The following PANK4 variants were observed in gnomAD, a reference collection of about 807,000 sequenced individuals.
The protein encoded by PANK4 is pantothenate kinase 4 (inactive).
A neutral mutation model predicts 87.9 loss-of-function variants in PANK4; 40 were observed. The observed-to-expected ratio is 0.46, with a 90% CI of 0.35 to 0.59. The LOEUF (loss-of-function observed/expected upper bound fraction) is 0.59, where lower values mean the gene tolerates loss of function less well. Ranked by LOEUF, PANK4 falls within the 20% of genes least tolerant of loss-of-function variation. The probability of loss-of-function intolerance (pLI) is 0.00; values close to 1 mark genes in which losing one functional copy is unlikely to be tolerated. For synonymous variants in PANK4, 524 were observed against 467.4 expected (o/e 1.12, Z -1.56); for missense variants, 926 against 1,072.3 (o/e 0.86, Z 1.90).
chr1:2,524,381 C>T (rs1274006883), intron 1 of PANK4, among the ~76,000 whole-genome samples: 1 of 152,166 alleles, frequency 6.6e-6, no homozygotes, highest in Non-Finnish European at 1.5e-5. Context: ...TTGAAGACAC[C>T]CCACCCTGAG....
chr1:2,509,563 G>A lies in PANK4; in HGVS notation c.2108+299C>T, dbSNP rs111666571. On this transcript the variant is annotated intron_variant, in intron 18 of 18. Coordinates refer to ENST00000378466, the MANE Select transcript of PANK4 (RefSeq NM_018216.4). The surrounding 1 kb of genome is among the most constrained non-coding windows in gnomAD (Gnocchi z 4.9). ...ACACGGAGGTGACAGACACCGGGCA[G>A]CTGCCCAGGTCGCCCTCGGTCTCAG... 2.0e-5 allele frequency among the ~76,000 whole-genome samples: 3 copies of A among 152,328 alleles called. No individual in the cohort carries two copies. The highest frequency in any genetic ancestry group is 7.2e-5 in the African/African-American group (3 of 41,570).
chr1:2,515,574 C>T lies in PANK4; in HGVS notation c.1362G>A (p.Glu454=), dbSNP rs1304079567. 1 of 1,612,828 alleles carries T rather than the reference C, an allele frequency of 6.2e-7. No homozygotes were observed. Among genetic ancestry groups the T allele is most frequent in the African/African-American group, 1.3e-5 (1 of 74,946 alleles). The change falls in exon 10 of 19, where the codon GAG becomes GAA. Residue 454 remains glutamate, a synonymous_variant. Coordinates refer to ENST00000378466, the MANE Select transcript of PANK4 (RefSeq NM_018216.4). The surrounding 1 kb of genome is among the most constrained non-coding windows in gnomAD (Gnocchi z 5.0). ...ARKYWLTCFE[E]ALDGVVKRAV... ...CCGGAGCCCTCACCCCGTCCAGGGC[C>T]TCCTCAAAGCAGGTGAGCCAGTATT...
rs1643862231 is a variant in PANK4 at position 2,520,052 on chromosome 1, G to C, written c.700-98C>G. ...CCATGGCAGGAGGCACGCGCGGGCAGGGGGTAAATGGGCCCTCATCGCGTG... is the reference window on the plus strand; with the variant it reads ...CCATGGCAGGAGGCACGCGCGGGCACGGGGTAAATGGGCCCTCATCGCGTG... On this transcript the variant is annotated intron_variant, in intron 5 of 18. Coordinates refer to ENST00000378466, the MANE Select transcript of PANK4 (RefSeq NM_018216.4). This position sits in a 1 kb window ranked among gnomAD's most constrained non-coding sequence, Gnocchi z 6.2. The C allele has an allele frequency of 1.7e-6, 2 of 1,154,612 alleles. No individual in the cohort carries two copies. Among genetic ancestry groups the C allele is most frequent in the South Asian group, 3.1e-5 (2 of 64,110 alleles). 71.5% of individuals were successfully genotyped at this position (1,154,612 alleles called of 1,614,324 possible).
In PANK4 at chr1:2,515,045, T is replaced by C. The variant is rs551787449; in HGVS notation, c.1374+517A>G. On this transcript the variant is annotated intron_variant, in intron 10 of 18. Coordinates refer to ENST00000378466, the MANE Select transcript of PANK4 (RefSeq NM_018216.4). The surrounding 1 kb of genome is among the most constrained non-coding windows in gnomAD (Gnocchi z 5.0). ...GCCTCTCCGAGGGCTTCGTGAAGAG[T>C]GCGTGTTGCTACCGGGGCTCCCTGG... Among the ~76,000 whole-genome samples the C allele has an allele frequency of 3.3e-5, 5 of 151,820 alleles. No homozygotes were observed. Among genetic ancestry groups the C allele is most frequent in the Non-Finnish European group, 7.4e-5 (5 of 67,920 alleles).
chr1:2,508,612 TTATA>T lies in PANK4; in HGVS notation c.*231_*234del. ...GACATACCTGTATAGATCTCTCTATTTATATATATATATATATAAAAGGTTCTTT... is the reference window on the plus strand; with the variant it reads ...GACATACCTGTATAGATCTCTCTATTTATATATATATATAAAAGGTTCTTT... On this transcript the variant is annotated 3_prime_UTR_variant, in exon 19 of 19. Coordinates refer to ENST00000378466, the MANE Select transcript of PANK4 (RefSeq NM_018216.4). This position sits in a 1 kb window ranked among gnomAD's most constrained non-coding sequence, Gnocchi z 5.1. The T allele has an allele frequency of 4.3e-6, 1 of 230,584 alleles. No homozygotes were observed. Among genetic ancestry groups the T allele is most frequent in the Non-Finnish European group, 7.9e-6 (1 of 126,182 alleles). The allele number at this position is 230,584 out of a possible 1,614,324, so 14.3% of individuals were successfully genotyped here. A position where few individuals can be genotyped will look rare whatever the true frequency, so the allele number is the denominator to read the frequency against.
chr1:2,519,056 G>T lies in PANK4; in HGVS notation c.1035+87C>A. 7.9e-7 allele frequency: 1 copy of T among 1,262,424 alleles called. No individual in the cohort carries two copies. Among genetic ancestry groups the T allele is most frequent in the Non-Finnish European group, 1.1e-6 (1 of 893,106 alleles). 78.2% of individuals were successfully genotyped at this position (1,262,424 alleles called of 1,614,324 possible). A position where few individuals can be genotyped will look rare whatever the true frequency, so the allele number is the denominator to read the frequency against. ...CCCCCACCCTCCAGGCCTCCCTGGG[G>T]GTGCTGCGGTGTCTAACCAGCATGA... On this transcript the variant is annotated intron_variant, in intron 7 of 18. Transcript: ENST00000378466. This position sits in a 1 kb window ranked among gnomAD's most constrained non-coding sequence, Gnocchi z 8.3.
intron 1 of PANK4, among the ~76,000 whole-genome samples, chr1:2,525,342 G>A (rs953555067): frequency 4.6e-5 from 7 of 152,174 alleles, no homozygotes; most frequent in Admixed American, 2.0e-4. Flanking sequence ...CATCCTTTTC[G>A]GGGGCTGGGG....
rs1643756174 is a variant in PANK4, at chr1:2,515,601, T to G, written c.1335A>C (p.Arg445=). ...TVDLTDDALA[R]KYWLTCFEEA... is the part of the protein sequence containing the mutation. ...CCTCAAAGCAGGTGAGCCAGTATTTTCGGGCCAGAGCGTCATCGGTGAGGT... is the reference window on the plus strand; with the variant it reads ...CCTCAAAGCAGGTGAGCCAGTATTTGCGGGCCAGAGCGTCATCGGTGAGGT... The change falls in exon 10 of 19, where the codon CGA becomes CGC. Residue 445 remains arginine (R), a synonymous_variant. Coordinates refer to ENST00000378466, the MANE Select transcript of PANK4 (RefSeq NM_018216.4). The surrounding 1 kb of genome is among the most constrained non-coding windows in gnomAD (Gnocchi z 5.0). 1 of 1,613,120 alleles carries G rather than the reference T, an allele frequency of 6.2e-7. No individual in the cohort carries two copies. Among genetic ancestry groups the G allele is most frequent in the African/African-American group, 1.3e-5 (1 of 74,932 alleles).
Position 2,509,791 on chromosome 1 carries a change from T to G in PANK4, c.2108+71A>C. On this transcript the variant is annotated intron_variant, in intron 18 of 18. Transcript: ENST00000378466. This position sits in a 1 kb window ranked among gnomAD's most constrained non-coding sequence, Gnocchi z 4.9. ...CTGAGGTCGGTGTCCCGCATGCACCTGGGTGCAGGTGCACGGCACAGAGGG... is the reference window on the plus strand; with the variant it reads ...CTGAGGTCGGTGTCCCGCATGCACCGGGGTGCAGGTGCACGGCACAGAGGG... 2 of 1,389,922 alleles carry G rather than the reference T, an allele frequency of 1.4e-6. No individual in the cohort carries two copies. The highest frequency in any genetic ancestry group is 2.0e-6 in the Non-Finnish European group (2 of 985,842). The allele number at this position is 1,389,922 out of a possible 1,614,324, so 86.1% of individuals were successfully genotyped here.
At position 2,509,897 on chromosome 1, in the gene PANK4, C is replaced by T. The variant is rs1178949159; in HGVS notation, c.2073G>A (p.Val691=). 1.2e-6 allele frequency: 2 copies of T among 1,612,076 alleles called. No homozygotes were observed. The highest frequency in any genetic ancestry group is 1.3e-5 in the African/African-American group (1 of 74,912). The change falls in exon 18 of 19, where the codon GTG becomes GTA. Residue 691 remains valine (V), a synonymous_variant. Transcript: ENST00000378466. The surrounding 1 kb of genome is among the most constrained non-coding windows in gnomAD (Gnocchi z 4.9). ...SALQEERLLL[V]QTGSSSPCLD... ...GGCACGGGGAGCTGGAGCCCGTCTG[C>T]ACCAGCAGCAGCCTCTCTTCCTGGA... is the stretch of plus-strand genomic sequence containing the variant.
In PANK4 at chr1:2,515,745, A is replaced by C. The variant is rs1643759365; in HGVS notation, c.1219-28T>G. On this transcript the variant is annotated intron_variant, in intron 9 of 18. Transcript: ENST00000378466. This position sits in a 1 kb window ranked among gnomAD's most constrained non-coding sequence, Gnocchi z 5.0. The stretch of plus-strand genomic sequence containing the variant: ...GGAAGACAGGCAGTGGCAGGGTGGA[A>C]ACGTCACCATGGTTCAGAACGACCC... The C allele has an allele frequency of 1.2e-6, 2 of 1,608,258 alleles. No homozygotes were observed. The highest frequency in any genetic ancestry group is 1.7e-5 in the Admixed American group (1 of 59,564).
In PANK4 at chr1:2,515,516, C is replaced by G. The variant is rs748409363; in HGVS notation, c.1374+46G>C. 2 of 1,602,514 alleles carry G rather than the reference C, an allele frequency of 1.2e-6. No homozygotes were observed. Among genetic ancestry groups the G allele is most frequent in the East Asian group, 2.2e-5 (1 of 44,726 alleles). On this transcript the variant is annotated intron_variant, in intron 10 of 18. Coordinates refer to ENST00000378466, the MANE Select transcript of PANK4 (RefSeq NM_018216.4). The surrounding 1 kb of genome is among the most constrained non-coding windows in gnomAD (Gnocchi z 5.0). ...GCCCCCGGAGCCTTGGAAGGTTAACCCGGCTGCGGCCTTGGAATCGTCTAG... is the reference window on the plus strand; with the variant it reads ...GCCCCCGGAGCCTTGGAAGGTTAACGCGGCTGCGGCCTTGGAATCGTCTAG...
intron 11 of PANK4, 41 bp from the exon 12 acceptor site, chr1:2,514,130 C>T (rs779460895): frequency 2.7e-5 from 40 of 1,501,786 alleles, no homozygotes; most frequent in African/African-American, 5.5e-5. Context: ...CAGGGCAGGC[C>T]GAACACCCGC....
Position 2,519,862 on chromosome 1 carries a change from A to C in PANK4, c.792T>G (p.Thr264=), listed in dbSNP as rs1224779375. 1.9e-6 allele frequency: 3 copies of C among 1,571,812 alleles called. No individual in the cohort carries two copies. The highest frequency in any genetic ancestry group is 1.7e-4 in the Middle Eastern group (1 of 6,048). ...CGATGAGGTTCCCGCTCAGCCCGAG[A>C]GTCTGGTGGGCGCCGCCGTAGACGT... ...VRDVYGGAHQ[T]LGLSGNLIAS... is the part of the protein sequence containing the mutation. The change falls in exon 6 of 19, where the codon ACT becomes ACG. Residue 264 remains threonine (T), a synonymous_variant. Coordinates refer to ENST00000378466, the MANE Select transcript of PANK4 (RefSeq NM_018216.4). This position sits in a 1 kb window ranked among gnomAD's most constrained non-coding sequence, Gnocchi z 8.3.
chr1:2,512,388 C>G (rs1015505300), intron 13 of PANK4: 1 of 155,012 alleles, frequency 6.5e-6, no homozygotes, highest in East Asian at 1.9e-4. Flanking sequence ...GGCCCAGAGA[C>G]TGGAAGCAGC....
rs766740040 is a variant in PANK4, at chr1:2,520,393, C to T, written c.628G>A (p.Glu210Lys). ...CCAATGGAGCTGCCGCCGACCCACTCGAACCTGTCCTCCGTCTCCACCTGC... is the reference window on the plus strand; with the variant it reads ...CCAATGGAGCTGCCGCCGACCCACTTGAACCTGTCCTCCGTCTCCACCTGC... Reference protein sequence around the residue: ...IVKVETEDRFEWVGGSSIGGG... With the variant: ...IVKVETEDRFKWVGGSSIGGG... The change falls in exon 5 of 19, where the codon GAG becomes AAG. Residue 210 changes from glutamate to lysine, a missense_variant. Physicochemically the swap from Glu to Lys is moderately conservative, Grantham distance 56. Transcript: ENST00000378466. This position sits in a 1 kb window ranked among gnomAD's most constrained non-coding sequence, Gnocchi z 6.2. 6 of 1,612,912 alleles carry T rather than the reference C, an allele frequency of 3.7e-6. No individual in the cohort carries two copies. The highest frequency in any genetic ancestry group is 3.3e-5 in the South Asian group (3 of 91,084).
In PANK4 at chr1:2,510,003, C is replaced by T; in HGVS notation, c.2039+54G>A. On this transcript the variant is annotated intron_variant, in intron 17 of 18. Coordinates refer to ENST00000378466, the MANE Select transcript of PANK4 (RefSeq NM_018216.4). This position sits in a 1 kb window ranked among gnomAD's most constrained non-coding sequence, Gnocchi z 4.9. ...GACAATCCCCATGGCCCACTCTGCC[C>T]AGCTGGTGCCCCTCCCCATCAAGGC... 6 of 1,574,708 alleles carry T rather than the reference C, an allele frequency of 3.8e-6. No homozygotes were observed. The highest frequency in any genetic ancestry group is 5.2e-6 in the Non-Finnish European group (6 of 1,152,760).
At chr1:2,517,230 C>T (rs1643796880) in intron 9 of PANK4, among the ~76,000 whole-genome samples, 1 of 152,224 alleles carries the variant, frequency 6.6e-6, no homozygotes, top group Non-Finnish European at 1.5e-5. Flanking sequence ...AAAGGCAGAC[C>T]AGGGCTGCGG....
chr1:2,521,800 C>T lies in PANK4; in HGVS notation c.125G>A (p.Gly42Asp). 1 of 1,613,522 alleles carries T rather than the reference C, an allele frequency of 6.2e-7. No individual in the cohort carries two copies. The highest frequency in any genetic ancestry group is 8.5e-7 in the Non-Finnish European group (1 of 1,179,624). The change falls in exon 2 of 19, where the codon GGC (glycine) becomes GAC (aspartate). Residue 42 changes from glycine (G) to aspartate (D), a missense_variant and splice_region_variant. Physicochemically the swap from Gly to Asp is moderately conservative, Grantham distance 94 (BLOSUM62 -1). Transcript: ENST00000378466. ...ENAKRFAIDI[G>D]GSLTKLAYYS... ...GTAGGCCAGCTTGGTTAACGACCCG[C>T]CTGCAGGGGAGACACAAACCGGGCA...
Sources: gnomAD v4.1 joint callset for allele counts (sites outside exome capture counted in the v4.1 genomes callset) on GRCh38, gnomAD v4.1.1 for gene constraint, Gnocchi (gnomAD v3.1) non-coding constraint, MANE v1.5 for transcripts, NCBI Gene and HGNC (gene_info 2026-07-23, HGNC 2026-07-21) for gene names.